Variants in SLC9A9 observed in about 807,000 individuals in gnomAD.
SLC9A9 encodes sodium/hydrogen exchanger 9.
In SLC9A9, 62 loss-of-function variants were observed where a neutral mutation model predicts 77.8. That is an observed-to-expected ratio of 0.80 (90% CI 0.65 to 0.98). SLC9A9 has a LOEUF of 0.98. Ranked by LOEUF, SLC9A9 falls within the 50% of genes least tolerant of loss-of-function variation. SLC9A9 has a pLI of 0.00. For synonymous variants in SLC9A9, 320 were observed against 283.5 expected (o/e 1.13, Z -1.29); for missense variants, 775 against 774.9 (o/e 1.00, Z 0.00).
chr3:143,601,579 A>G (rs1339544739), intron 6 of SLC9A9, among the ~76,000 whole-genome samples: 1 of 152,176 alleles, frequency 6.6e-6, no homozygotes, highest in Non-Finnish European at 1.5e-5. Flanking sequence ...TGTTTTTAAC[A>G]TTTGTGCTTC....
chr3:143,594,390 A>G (rs2037715615), intron 6 of SLC9A9, among the ~76,000 whole-genome samples: 2 of 152,198 alleles, frequency 1.3e-5, no homozygotes, highest in Non-Finnish European at 2.9e-5. Flanking sequence ...GAACTGTGAT[A>G]TGTATCTTAT....
chr3:143,265,857 G>C lies in SLC9A9; in HGVS notation c.*845C>G, dbSNP rs569090349. On this transcript the variant is annotated 3_prime_UTR_variant, in exon 16 of 16. Transcript: ENST00000316549. Reference sequence around the variant, plus strand: ...TGCTGCCAGGTAGAGAGCAACACAGGCTGCAGAATCCTACCCTCCAGCATA... The same window carrying C: ...TGCTGCCAGGTAGAGAGCAACACAGCCTGCAGAATCCTACCCTCCAGCATA... 14 of 597,178 alleles carry C rather than the reference G, an allele frequency of 2.3e-5. No individual in the cohort carries two copies. The highest frequency in any genetic ancestry group is 2.2e-4 in the African/African-American group (12 of 53,786). 37.0% of individuals were successfully genotyped at this position (597,178 alleles called of 1,614,324 possible).
rs548476338 is a variant in SLC9A9 at position 143,713,736 on chromosome 3, A to G, written c.534-20429T>C. On this transcript the variant is annotated intron_variant, in intron 4 of 15. Transcript: ENST00000316549. The stretch of plus-strand genomic sequence containing the variant: ...GTAGGACAAAATAAACAAACAAAAA[A>G]CACATACAGGTGTACTTGAGGGAGC... 3.3e-5 allele frequency among the ~76,000 whole-genome samples: 5 copies of G among 152,312 alleles called. No homozygotes were observed. In the East Asian group the frequency reaches 9.6e-4, roughly 29 times the overall value.
intron 2 of SLC9A9, among the ~76,000 whole-genome samples, chr3:143,824,585 C>T (rs1296684991): frequency 1.3e-5 from 2 of 152,180 alleles, no homozygotes; most frequent in Non-Finnish European, 2.9e-5. Context: ...CTTTGTCTAT[C>T]CCCCTCCAGG....
intron 4 of SLC9A9, among the ~76,000 whole-genome samples, chr3:143,727,746 C>T (rs1261866676): frequency 1.3e-5 from 2 of 152,206 alleles, no homozygotes; most frequent in Admixed American, 1.3e-4. Flanking sequence ...GTACTTTCCC[C>T]TCATAGATGA....
At chr3:143,555,312 C>A (rs1346019625) in intron 8 of SLC9A9, among the ~76,000 whole-genome samples, 1 of 152,130 alleles carries the variant, frequency 6.6e-6, no homozygotes, top group Admixed American at 6.6e-5. Context: ...TCCATTAAAC[C>A]TCTTTTTCTT....
At chr3:143,308,700 GATA>G (rs2030906983) in intron 14 of SLC9A9, among the ~76,000 whole-genome samples, 1 of 152,138 alleles carries the variant, frequency 6.6e-6, no homozygotes, top group African/African-American at 2.4e-5. Flanking sequence ...TCGCCATGGT[GATA>G]ATAATACCCA....
At chr3:143,392,904 C>T (rs2033606847) in intron 12 of SLC9A9, among the ~76,000 whole-genome samples, 2 of 152,030 alleles carry the variant, frequency 1.3e-5, no homozygotes, top group South Asian at 4.1e-4. Flanking sequence ...AGCTAACTAT[C>T]CTAAATATGC....
chr3:143,439,631 T>C (rs957959854), intron 12 of SLC9A9, among the ~76,000 whole-genome samples: 1 of 152,166 alleles, frequency 6.6e-6, no homozygotes, highest in Non-Finnish European at 1.5e-5. Context: ...CCTTCACACA[T>C]ATGACTTATC....
At chr3:143,755,335 G>C (rs542667304) in intron 4 of SLC9A9, among the ~76,000 whole-genome samples, 3 of 152,104 alleles carry the variant, frequency 2.0e-5, no homozygotes, top group Non-Finnish European at 4.4e-5. Context: ...ATAAGACCTG[G>C]TGATCCCCCA....
intron 13 of SLC9A9, among the ~76,000 whole-genome samples, chr3:143,364,629 CA>C (rs1272587036): frequency 6.6e-6 from 1 of 152,128 alleles, no homozygotes; most frequent in Non-Finnish European, 1.5e-5. Context: ...TAGCTGGACA[CA>C]AAAGGCTGTG....
At chr3:143,374,995 T>C (rs1559888239) in intron 13 of SLC9A9, among the ~76,000 whole-genome samples, 1 of 152,158 alleles carries the variant, frequency 6.6e-6, no homozygotes, top group Non-Finnish European at 1.5e-5. Flanking sequence ...AGTTCAATTG[T>C]TCAATTGGGG....
chr3:143,311,993 G>T (rs2031035686), intron 14 of SLC9A9, among the ~76,000 whole-genome samples: 1 of 152,218 alleles, frequency 6.6e-6, no homozygotes, highest in Non-Finnish European at 1.5e-5. Flanking sequence ...CATTCTATTT[G>T]TCTATTAGAC....
chr3:143,497,245 A>G (rs1332712767), intron 9 of SLC9A9, among the ~76,000 whole-genome samples: 1 of 152,172 alleles, frequency 6.6e-6, no homozygotes, highest in Non-Finnish European at 1.5e-5. Flanking sequence ...TTTACCCTAG[A>G]GTGAACATTT....
chr3:143,847,880 A>G (rs924176306), intron 1 of SLC9A9: 1 of 517,548 alleles, frequency 1.9e-6, no homozygotes, highest in Non-Finnish European at 3.5e-6. Context: ...TCGACTCCCC[A>G]CATGACAATG....
At chr3:143,328,411 T>G (rs1049509644) in intron 14 of SLC9A9, among the ~76,000 whole-genome samples, 1 of 152,236 alleles carries the variant, frequency 6.6e-6, no homozygotes, top group Admixed American at 6.5e-5. Context: ...ACTGAACTAC[T>G]GTGAATAGCC....
chr3:143,274,919 A>G (rs1938000932), intron 14 of SLC9A9, among the ~76,000 whole-genome samples: 1 of 152,220 alleles, frequency 6.6e-6, no homozygotes, highest in Non-Finnish European at 1.5e-5. Context: ...CTGGACATAT[A>G]GCCATTACAG....
In SLC9A9 at chr3:143,834,980, G is replaced by A. The variant is rs115623762; in HGVS notation, c.176-2759C>T. The stretch of plus-strand genomic sequence containing the variant: ...TCACACTGAGGTCAGGCTCCCAGCC[G>A]ATGACTGAACACAGCAGGGATACTA... On this transcript the variant is annotated intron_variant, in intron 1 of 15. Transcript: ENST00000316549. Among the ~76,000 whole-genome samples the A allele has an allele frequency of 4.4e-3, 667 of 152,250 alleles. 5 individuals carry two copies. Among genetic ancestry groups the A allele is most frequent in the African/African-American group, 0.015 (636 of 41,544 alleles).
chr3:143,717,037 G>A (rs1357311954), intron 4 of SLC9A9, among the ~76,000 whole-genome samples: 3 of 152,192 alleles, frequency 2.0e-5, no homozygotes, highest in African/African-American at 7.2e-5. Context: ...AGCTCCTAGA[G>A]TTTAAAAAGA....
Sources: allele counts gnomAD v4.1 joint callset (sites outside exome capture counted in the v4.1 genomes callset), GRCh38; gene constraint gnomAD v4.1.1; transcripts MANE v1.5; gene names NCBI Gene and HGNC (gene_info 2026-07-23, HGNC 2026-07-21).